CELF2: variants seen among roughly 807,000 people sequenced by gnomAD.
The protein encoded by CELF2 is CUGBP Elav-like family member 2, also known as CUG triplet repeat RNA-binding protein 2.
A neutral mutation model predicts 62.6 loss-of-function variants in CELF2; 8 were observed. The observed-to-expected ratio is 0.13, with a 90% confidence interval of 0.07 to 0.23. CELF2 has a LOEUF of 0.23. CELF2 is among the 10% of genes least tolerant of loss of function. CELF2 has a pLI of 1.00. For synonymous variants in CELF2, 258 were observed against 250.0 expected (o/e 1.03, Z -0.30); for missense variants, 333 against 671.0 (o/e 0.50, Z 5.56).
intron 1 of CELF2, among the ~76,000 whole-genome samples, chr10:10,885,224 C>T (rs1468957144): frequency 6.6e-6 from 1 of 150,918 alleles, no homozygotes; most frequent in African/African-American, 2.4e-5. Flanking sequence ...GCCTGGGTGA[C>T]AGGGTGAGAC....
intron 2 of CELF2, among the ~76,000 whole-genome samples, chr10:11,172,171 G>C (rs2133678649): frequency 6.6e-6 from 1 of 152,302 alleles, no homozygotes; most frequent in East Asian, 1.9e-4. Flanking sequence ...CCCCAGTTTT[G>C]GTGCTGCCTC....
At chr10:10,642,826 T>G in the CELF2 span, among the ~76,000 whole-genome samples, 4 of 152,256 alleles carry the variant, frequency 2.6e-5, no homozygotes, top group African/African-American at 2.4e-5. Context: ...CCCTGCCCAC[T>G]GCTTGGGTTG....
chr10:10,963,440 G>A (rs181286890), intron 2 of CELF2, among the ~76,000 whole-genome samples: 10 of 152,200 alleles, frequency 6.6e-5, no homozygotes, highest in Admixed American at 2.6e-4. Context: ...TCTTCTTAAC[G>A]GGGCCTTTAA....
chr10:10,739,501 C>T, the CELF2 span, among the ~76,000 whole-genome samples: 2 of 152,162 alleles, frequency 1.3e-5, no homozygotes, highest in Non-Finnish European at 2.9e-5. Context: ...GTAGAGTTCC[C>T]ATATTCCCAT....
chr10:10,759,734 T>A, the CELF2 span, among the ~76,000 whole-genome samples: 1,123 of 152,214 alleles, frequency 7.4e-3, 13 homozygotes, highest in African/African-American at 0.026. Flanking sequence ...GTTTTATAAG[T>A]CTGAATTCTC....
At chr10:10,668,490 A>C in the CELF2 span, among the ~76,000 whole-genome samples, 1 of 152,208 alleles carries the variant, frequency 6.6e-6, no homozygotes, top group Admixed American at 6.5e-5. Flanking sequence ...TGATGGATTC[A>C]CGGTACGCAG....
At chr10:10,556,811 T>G in the CELF2 span, among the ~76,000 whole-genome samples, 1 of 151,888 alleles carries the variant, frequency 6.6e-6, no homozygotes, top group Non-Finnish European at 1.5e-5. Context: ...TCATGTGTCT[T>G]TTGGCTGCAT....
At chr10:10,694,438 G>A in the CELF2 span, among the ~76,000 whole-genome samples, 1 of 151,716 alleles carries the variant, frequency 6.6e-6, no homozygotes, top group Admixed American at 6.6e-5. Context: ...CCAAGTATGT[G>A]GTCAATTTTG....
intron 2 of CELF2, among the ~76,000 whole-genome samples, chr10:11,188,659 G>A (rs989820351): frequency 2.0e-5 from 3 of 151,998 alleles, no homozygotes; most frequent in African/African-American, 7.2e-5. Flanking sequence ...GAGATTTTTG[G>A]ACATGTGAGC....
chr10:10,908,091 C>T (rs373126915), intron 1 of CELF2, among the ~76,000 whole-genome samples: 41 of 151,928 alleles, frequency 2.7e-4, no homozygotes, highest in African/African-American at 9.4e-4. Context: ...CCTGCCCGTA[C>T]AGTCAGAGGG....
At chr10:10,660,753 G>A in the CELF2 span, among the ~76,000 whole-genome samples, 1 of 152,170 alleles carries the variant, frequency 6.6e-6, no homozygotes, top group East Asian at 1.9e-4. Context: ...TTTTTGCAAA[G>A]TGTCATCCAA....
At chr10:10,613,570 A>C in the CELF2 span, among the ~76,000 whole-genome samples, 4 of 152,202 alleles carry the variant, frequency 2.6e-5, no homozygotes, top group African/African-American at 7.2e-5. Flanking sequence ...TTTATTGTTT[A>C]ATTACAGAGA....
the CELF2 span, among the ~76,000 whole-genome samples, chr10:10,654,127 A>C: frequency 6.9e-6 from 1 of 144,960 alleles, no homozygotes; most frequent in Non-Finnish European, 1.5e-5. Flanking sequence ...GAAGAAATGG[A>C]TACATTCCTT....
At chr10:10,863,571 A>C (rs76052428) in intron 1 of CELF2, among the ~76,000 whole-genome samples, 2,352 of 152,246 alleles carry the variant, frequency 0.015, 75 homozygotes, top group African/African-American at 0.054. Flanking sequence ...AAACACTTTT[A>C]AAGTATTAGG....
chr10:11,325,742 C>A, intron 11 of CELF2, 94 bp from the exon 12 acceptor site: 1 of 1,127,214 alleles, frequency 8.9e-7, no homozygotes, highest in Admixed American at 2.6e-5. Flanking sequence ...CAACTAAATG[C>A]TTAGCCTACC....
intron 1 of CELF2, among the ~76,000 whole-genome samples, chr10:10,851,142 G>A (rs544674617): frequency 2.0e-5 from 3 of 152,110 alleles, no homozygotes; most frequent in South Asian, 2.1e-4. Context: ...AGTTGTCCAC[G>A]ATGACTAACA....
At chr10:10,713,028 A>T in the CELF2 span, among the ~76,000 whole-genome samples, 1 of 152,204 alleles carries the variant, frequency 6.6e-6, no homozygotes, top group African/African-American at 2.4e-5. Context: ...CTTCCTGTCC[A>T]TCCCAACAAA....
intron 1 of CELF2, among the ~76,000 whole-genome samples, chr10:10,859,981 T>A (rs2059962246): frequency 1.3e-5 from 2 of 152,170 alleles, no homozygotes; most frequent in African/African-American, 2.4e-5. Flanking sequence ...TATCAATATT[T>A]GCCCTAGAAA....
chr10:11,069,973 A>G (rs886321152), intron 1 of CELF2, among the ~76,000 whole-genome samples: 3 of 152,220 alleles, frequency 2.0e-5, no homozygotes, highest in Non-Finnish European at 4.4e-5. Flanking sequence ...AGTTGCATTC[A>G]AGGAAGTTAC....
Sources: allele counts gnomAD v4.1 joint callset (sites outside exome capture counted in the v4.1 genomes callset), GRCh38; gene constraint gnomAD v4.1.1; transcripts MANE v1.5; gene names NCBI Gene and HGNC (gene_info 2026-07-23, HGNC 2026-07-21).